The following GLI3 variants were observed in gnomAD, a reference collection of about 807,000 sequenced individuals.
The protein encoded by GLI3 is transcription activator GLI3.
Under a neutral mutation model 100.8 loss-of-function variants are expected in GLI3, and 20 were observed. The observed-to-expected ratio is 0.20, with a 90% CI of 0.14 to 0.29. The LOEUF (loss-of-function observed/expected upper bound fraction) is 0.29, where lower values mean the gene tolerates loss of function less well. Among genes scored for constraint, GLI3 ranks in the 10% least tolerant of loss-of-function variants. GLI3 has a pLI of 1.00. For synonymous variants in GLI3, 938 were observed against 860.5 expected (o/e 1.09, Z -1.58); for missense variants, 2,040 against 2,128.5 (o/e 0.96, Z 0.82).
At chr7:42,026,576 A>C (rs542498472) in intron 7 of GLI3, among the ~76,000 whole-genome samples, 164 bp from the exon 8 acceptor site, 1 of 152,276 alleles carries the variant, frequency 6.6e-6, no homozygotes, top group East Asian at 1.9e-4. Flanking sequence ...TCTAAGAGAA[A>C]GATGAACACT....
At chr7:42,076,705 C>T (rs1018730759) in intron 4 of GLI3, 47 bp downstream of exon 4, 1 of 1,199,396 alleles carries the variant, frequency 8.3e-7, no homozygotes, top group African/African-American at 1.5e-5. Context: ...ATGGTAAAAG[C>T]CAGCATCTCG....
rs1405606114 is a variant in GLI3 at position 41,965,272 on chromosome 7, T to C, written c.3801A>G (p.Ala1267=). 6.2e-7 allele frequency: 1 copy of C among 1,613,698 alleles called. No homozygotes were observed. Among genetic ancestry groups the C allele is most frequent in the East Asian group, 2.2e-5 (1 of 44,858 alleles). Residue 1267 remains alanine, a synonymous_variant, in exon 15 of 15, where the codon GCA becomes GCG. Transcript: ENST00000395925. ...CLNRQPVAPG[A]LDGACGAGIQ... is the part of the protein sequence containing the mutation. ...TCCCGGCACCACAGGCACCGTCGAGTGCACCAGGGGCCACTGGCTGCCTGT... is the reference window on the plus strand; with the variant it reads ...TCCCGGCACCACAGGCACCGTCGAGCGCACCAGGGGCCACTGGCTGCCTGT...
chr7:42,021,634 T>A (rs1583798741), intron 10 of GLI3, among the ~76,000 whole-genome samples: 1 of 152,364 alleles, frequency 6.6e-6, no homozygotes, highest in East Asian at 1.9e-4. Flanking sequence ...TCATTTTAAA[T>A]GTAGACTTAG....
At chr7:42,169,065 G>A (rs1787306259) in intron 2 of GLI3, among the ~76,000 whole-genome samples, 1 of 152,162 alleles carries the variant, frequency 6.6e-6, no homozygotes, top group African/African-American at 2.4e-5. Context: ...TTATCTAACT[G>A]CCCATTTATG....
intron 10 of GLI3, among the ~76,000 whole-genome samples, chr7:42,010,903 G>C (rs1788594830): frequency 6.6e-6 from 1 of 152,102 alleles, no homozygotes; most frequent in Admixed American, 6.5e-5. Flanking sequence ...ACAACTAGGA[G>C]GGACCACAGC....
chr7:42,238,103 A>C (rs1583670469), upstream of GLI3, among the ~76,000 whole-genome samples: 2 of 135,176 alleles, frequency 1.5e-5, no homozygotes, highest in Non-Finnish European at 1.6e-5. Flanking sequence ...TCTTCCCCCT[A>C]CTTGACCCCG....
At chr7:42,147,995 T>G (rs1786758035) in intron 3 of GLI3, among the ~76,000 whole-genome samples, 1 of 152,136 alleles carries the variant, frequency 6.6e-6, no homozygotes, top group Non-Finnish European at 1.5e-5. Context: ...GCCGCCCCAC[T>G]GAAGACTGAT....
intron 2 of GLI3, among the ~76,000 whole-genome samples, chr7:42,153,226 T>C (rs1483332489): frequency 6.6e-6 from 1 of 152,128 alleles, no homozygotes; most frequent in African/African-American, 2.4e-5. Flanking sequence ...ACAGAAGGAT[T>C]TGAAAAGAAG....
rs572746735 is a variant in GLI3, at chr7:41,989,680, A to T, written c.1498-10932T>A. 5.0e-4 allele frequency among the ~76,000 whole-genome samples: 76 copies of T among 152,262 alleles called. 1 individual carries two copies. The highest frequency in any genetic ancestry group is 1.6e-3 in the African/African-American group (68 of 41,546). ...TCTGCCAGATTCAGAAAAGAGAGTT[A>T]ATGGATAGTTTCTCTCTACACTAAT... On this transcript the variant is annotated intron_variant, in intron 10 of 14. Coordinates refer to ENST00000395925, the MANE Select transcript of GLI3 (RefSeq NM_000168.6).
upstream of GLI3, among the ~76,000 whole-genome samples, chr7:42,242,283 G>A (rs557342605): frequency 6.6e-6 from 1 of 152,244 alleles, no homozygotes; most frequent in East Asian, 1.9e-4. Context: ...CTCCTCATTT[G>A]GCCACAGTCG....
At chr7:42,073,686 A>G (rs1784826572) in intron 4 of GLI3, among the ~76,000 whole-genome samples, 1 of 152,206 alleles carries the variant, frequency 6.6e-6, no homozygotes, top group African/African-American at 2.4e-5. Context: ...ATCTGTCGGC[A>G]TTTCCATCAA....
chr7:42,081,678 A>G (rs1784999399), intron 3 of GLI3, among the ~76,000 whole-genome samples: 1 of 152,164 alleles, frequency 6.6e-6, no homozygotes, highest in South Asian at 2.1e-4. Context: ...CCTTCTCCCA[A>G]GAAATAGTTA....
At chr7:42,022,759 C>A (rs558504679) in intron 10 of GLI3, among the ~76,000 whole-genome samples, 5 of 152,136 alleles carry the variant, frequency 3.3e-5, no homozygotes, top group African/African-American at 1.2e-4. Flanking sequence ...GGGGGTATCA[C>A]AAATCAGGCA....
intron 1 of GLI3, among the ~76,000 whole-genome samples, chr7:42,260,134 G>A (rs928133052): frequency 3.3e-5 from 5 of 152,148 alleles, no homozygotes; most frequent in African/African-American, 4.8e-5. Context: ...ATTCAATTTT[G>A]TAGCAAATCA....
At chr7:42,042,804 T>C (rs1784172060) in intron 6 of GLI3, among the ~76,000 whole-genome samples, 1 of 152,134 alleles carries the variant, frequency 6.6e-6, no homozygotes, top group Admixed American at 6.6e-5. Context: ...CAAGACTGGC[T>C]CTTATTTAAG....
rs530112391 is a variant in GLI3, at chr7:42,091,684, A to G, written c.368-14827T>C. The stretch of plus-strand genomic sequence containing the variant: ...GCTCTCTTCTCCCCTCGTGGCTGCT[A>G]CAGAGGAATTCCCAGGCCAGCCAGG... On this transcript the variant is annotated intron_variant, in intron 3 of 14. Transcript: ENST00000395925. Among the ~76,000 whole-genome samples, 15 of 152,334 alleles carry G rather than the reference A, an allele frequency of 9.8e-5. No homozygotes were observed. The East Asian group carries it at 2.5e-3, about 25-fold the overall frequency.
intron 10 of GLI3, among the ~76,000 whole-genome samples, chr7:42,016,703 CCATCATCAT>C (rs532668811): frequency 6.6e-6 from 1 of 151,714 alleles, no homozygotes; most frequent in African/African-American, 2.4e-5. Flanking sequence ...ATCATCACCA[CCATCATCAT>C]CATCATCATC....
At chr7:42,158,738 G>A (rs1029094447) in intron 2 of GLI3, among the ~76,000 whole-genome samples, 1 of 152,044 alleles carries the variant, frequency 6.6e-6, no homozygotes, top group African/African-American at 2.4e-5. Context: ...TGATCCACCC[G>A]CCTCGGCCTC....
At chr7:42,110,954 G>A (rs1785691627) in intron 3 of GLI3, among the ~76,000 whole-genome samples, 1 of 152,132 alleles carries the variant, frequency 6.6e-6, no homozygotes, top group Non-Finnish European at 1.5e-5. Context: ...AACAGCACGA[G>A]CTTTGGAAAC....
Sources: allele counts gnomAD v4.1 joint callset (sites outside exome capture counted in the v4.1 genomes callset), GRCh38; gene constraint gnomAD v4.1.1; transcripts MANE v1.5; gene names NCBI Gene and HGNC (gene_info 2026-07-23, HGNC 2026-07-21).